The following EYS variants were observed in gnomAD, a reference collection of about 807,000 sequenced individuals.
EYS encodes protein eyes shut homolog.
A neutral mutation model predicts 282.1 loss-of-function variants in EYS; 250 were observed. The ratio of observed to expected loss-of-function variants is 0.89; its 90% CI spans 0.80 to 0.98. The LOEUF is 0.98. Among genes scored for constraint, EYS ranks in the 50% least tolerant of loss-of-function variants. The pLI is 0.00. For synonymous variants in EYS, 1,355 were observed against 1,282.9 expected, an observed-to-expected ratio of 1.06 and a Z score of -1.20; for missense variants, 4,016 against 3,709.0, an observed-to-expected ratio of 1.08 and a Z score of -2.15.
chr6:65,331,104 C>T, intron 11 of EYS: 3 of 983,348 alleles, frequency 3.1e-6, no homozygotes, highest in Non-Finnish European at 3.6e-6. Flanking sequence ...CCCCATTAGT[C>T]TTCCTTTTCA....
chr6:64,649,803 AC>A (rs1405114301), intron 22 of EYS, among the ~76,000 whole-genome samples: 4 of 152,182 alleles, frequency 2.6e-5, no homozygotes, highest in Non-Finnish European at 5.9e-5. Flanking sequence ...GGAACAGTGA[AC>A]AAAAAATTAG....
intron 22 of EYS, among the ~76,000 whole-genome samples, chr6:64,687,436 T>C (rs976829482): frequency 1.1e-4 from 16 of 152,218 alleles, no homozygotes; most frequent in African/African-American, 3.9e-4. Context: ...TGAAGGGCTG[T>C]TGAATTTTGT....
In EYS at chr6:63,908,012, G is replaced by GTA. The variant is rs57451331; in HGVS notation, c.7056-43656_7056-43655dup. On this transcript the variant is annotated intron_variant, in intron 35 of 42. Transcript: ENST00000503581. Reference sequence around the variant, plus strand: ...TACACACACACACACACACACAAACGTATATATATATATATATATACGTTT... The same window carrying GTA: ...TACACACACACACACACACACAAACGTATATATATATATATATATATACGTTT... Among the ~76,000 whole-genome samples, 305 of 131,162 alleles carry GTA rather than the reference G, an allele frequency of 2.3e-3. 5 individuals carry two copies. In the East Asian group the frequency reaches 0.041, roughly 18 times the overall value. The allele number at this position is 131,162 out of a possible 152,430, so 86.0% of individuals were successfully genotyped here.
chr6:65,171,610 A>C (rs965874266), intron 12 of EYS, among the ~76,000 whole-genome samples: 2 of 151,220 alleles, frequency 1.3e-5, no homozygotes, highest in Non-Finnish European at 3.0e-5. Flanking sequence ...CTAAAATGGA[A>C]CTGGTGATGA....
Position 64,192,411 on chromosome 6 carries a change from C to T in EYS, c.6424+38181G>A, listed in dbSNP as rs551911201. 9.2e-5 allele frequency among the ~76,000 whole-genome samples: 14 copies of T among 152,074 alleles called. No individual in the cohort carries two copies. The East Asian group carries it at 9.6e-4, about 10-fold the overall frequency. ...AGACATGAAGTCCTTGCCTGCATCA[C>T]GCTACCTGACTTCAAGCTATACTAC... is the stretch of plus-strand genomic sequence containing the variant. On this transcript the variant is annotated intron_variant, in intron 31 of 42. Coordinates refer to ENST00000503581, the MANE Select transcript of EYS (RefSeq NM_001142800.2).
chr6:64,533,211 T>C (rs760770205), intron 26 of EYS, among the ~76,000 whole-genome samples: 4 of 152,066 alleles, frequency 2.6e-5, no homozygotes, highest in Admixed American at 6.6e-5. Flanking sequence ...ATGATGCCTG[T>C]AGAATAATGA....
At chr6:65,330,386 TCA>T (rs2150310539) in intron 11 of EYS, 1 of 984,522 alleles carries the variant, frequency 1.0e-6, no homozygotes, top group African/African-American at 1.7e-5. Flanking sequence ...CATGAACACT[TCA>T]CAGTCTGGGC....
chr6:65,646,391 A>G (rs1451123720), intron 1 of EYS, among the ~76,000 whole-genome samples: 1 of 152,200 alleles, frequency 6.6e-6, no homozygotes, highest in Non-Finnish European at 1.5e-5. Context: ...AATAAATGTG[A>G]TACCCAACAT....
chr6:65,570,303 G>A (rs1764434074), intron 2 of EYS, among the ~76,000 whole-genome samples: 1 of 152,124 alleles, frequency 6.6e-6, no homozygotes, highest in African/African-American at 2.4e-5. Flanking sequence ...TAATGAATTA[G>A]CATCATAAAT....
intron 22 of EYS, among the ~76,000 whole-genome samples, chr6:64,656,731 C>A (rs1307122370): frequency 6.6e-6 from 1 of 152,106 alleles, no homozygotes; most frequent in Non-Finnish European, 1.5e-5. Context: ...GGGCTGCATC[C>A]TGGATTGGGA....
intron 35 of EYS, among the ~76,000 whole-genome samples, chr6:63,892,978 A>G (rs1041958938): frequency 6.6e-6 from 1 of 152,162 alleles, no homozygotes; most frequent in Non-Finnish European, 1.5e-5. Context: ...GCATATGAAA[A>G]AAAGCTCATC....
intron 2 of EYS, among the ~76,000 whole-genome samples, chr6:65,510,176 C>T (rs1273714586): frequency 3.5e-5 from 4 of 113,206 alleles, no homozygotes; most frequent in Non-Finnish European, 3.5e-5. Flanking sequence ...CCCCCCTCCC[C>T]CCACCCCACA....
chr6:65,465,044 G>T lies in EYS; in HGVS notation c.862+25550C>A, dbSNP rs141830952. ...GAATAGAACCATTGTTCTGAATACT[G>T]AAATAAAATATAATTTAGATAATAG... is the stretch of plus-strand genomic sequence containing the variant. On this transcript the variant is annotated intron_variant, in intron 5 of 42. Coordinates refer to ENST00000503581, the MANE Select transcript of EYS (RefSeq NM_001142800.2). Among the ~76,000 whole-genome samples the T allele has an allele frequency of 8.1e-3, 1,236 of 152,178 alleles. 18 individuals are homozygous for T. Among genetic ancestry groups the T allele is most frequent in the South Asian group, 0.038 (184 of 4,816 alleles).
rs773046364 is a variant in EYS, at chr6:63,984,527, C to T, written c.6911G>A (p.Gly2304Glu). The T allele has an allele frequency of 3.9e-6, 6 of 1,549,502 alleles. No homozygotes were observed. The South Asian group carries it at 4.8e-5, about 12-fold the overall frequency. Residue 2304 changes from glycine to glutamate, a missense_variant, in exon 35 of 43, where the codon GGG (glycine) becomes GAG (glutamate). Transcript: ENST00000503581. ...QIHKKAGPVY[G>E]FRGCILDLQV... is the part of the protein sequence containing the mutation. ...AAGGTCTAGAATGCAGCCCCTGAAC[C>T]CATAAACAGGACCTGCTTTCTTATG...
At chr6:65,503,842 C>T (rs562959886) in intron 2 of EYS, among the ~76,000 whole-genome samples, 1 of 151,786 alleles carries the variant, frequency 6.6e-6, no homozygotes, top group East Asian at 1.9e-4. Context: ...CAATACCAGG[C>T]TACCTTGATT....
intron 26 of EYS, among the ~76,000 whole-genome samples, chr6:64,507,271 C>A (rs544564760): frequency 6.6e-6 from 1 of 151,908 alleles, no homozygotes; most frequent in Non-Finnish European, 1.5e-5. Context: ...AAGCTGGAAA[C>A]CAACATTCTC....
In EYS at chr6:64,420,022, ACTTCTGC is replaced by A. The variant is rs567085585; in HGVS notation, c.5927+16145_5927+16151del. On this transcript the variant is annotated intron_variant, in intron 28 of 42. Transcript: ENST00000503581. ...CATGAGGGCTCTGCCCCTGAAGCAA[ACTTCTGC>A]CTAGACATCCAGGCATTTCCATACC... is the stretch of plus-strand genomic sequence containing the variant. Among the ~76,000 whole-genome samples the A allele has an allele frequency of 1.3e-3, 192 of 152,258 alleles. 3 individuals are homozygous for A. Among genetic ancestry groups the A allele is most frequent in the Admixed American group, 4.4e-3 (68 of 15,296 alleles).
intron 29 of EYS, among the ~76,000 whole-genome samples, chr6:64,326,340 A>G (rs972203870): frequency 6.6e-6 from 1 of 152,138 alleles, no homozygotes; most frequent in Admixed American, 6.5e-5. Context: ...CCTCCCTAGC[A>G]TGCCTGCAGG....
chr6:65,337,896 T>C (rs570644009), intron 10 of EYS, among the ~76,000 whole-genome samples: 85 of 150,946 alleles, frequency 5.6e-4, no homozygotes, highest in Non-Finnish European at 1.0e-3. Flanking sequence ...GGAATATTAG[T>C]ATGAAATTTG....
Sources: allele counts gnomAD v4.1 joint callset (sites outside exome capture counted in the v4.1 genomes callset), GRCh38; gene constraint gnomAD v4.1.1; transcripts MANE v1.5; gene names NCBI Gene and HGNC (gene_info 2026-07-23, HGNC 2026-07-21).